The following ZDHHC14 variants were observed in gnomAD, a reference collection of about 807,000 sequenced individuals.
ZDHHC14 encodes zDHHC palmitoyltransferase 14.
A neutral mutation model predicts 47.7 loss-of-function variants in ZDHHC14; 16 were observed. The ratio of observed to expected loss-of-function variants is 0.34; its 90% CI spans 0.23 to 0.51. The LOEUF (loss-of-function observed/expected upper bound fraction) is 0.51, where lower values mean the gene tolerates loss of function less well. Among genes scored for constraint, ZDHHC14 ranks in the 20% least tolerant of loss-of-function variants. ZDHHC14 has a pLI of 0.97. For synonymous variants in ZDHHC14, 293 were observed against 278.9 expected, an observed-to-expected ratio of 1.05 and a Z score of -0.50; for missense variants, 515 against 662.5, an observed-to-expected ratio of 0.78 and a Z score of 2.44.
chr6:157,584,113 A>G (rs962155224), intron 2 of ZDHHC14, among the ~76,000 whole-genome samples: 2 of 152,124 alleles, frequency 1.3e-5, no homozygotes, highest in Admixed American at 1.3e-4. Flanking sequence ...CACCCTTGCA[A>G]TGGCAGTGGC....
intron 1 of ZDHHC14, among the ~76,000 whole-genome samples, chr6:157,458,854 T>TTTTTTTTTTTTTTTTTTTTA: frequency 7.9e-6 from 1 of 127,162 alleles, no homozygotes; most frequent in Non-Finnish European, 1.7e-5. Flanking sequence ...GGTGGATTTT[T>TTTTTTTTTTTTTTTTTTTTA]TTTTTTTTTT....
intron 1 of ZDHHC14, among the ~76,000 whole-genome samples, chr6:157,432,843 T>C (rs1778364723): frequency 6.6e-6 from 1 of 152,264 alleles, no homozygotes; most frequent in African/African-American, 2.4e-5. Flanking sequence ...TTCATGCTTC[T>C]GGAAGTTGCC....
In ZDHHC14 at chr6:157,607,086, A is replaced by G. The variant is rs148782295; in HGVS notation, c.565+13940A>G. 5.6e-3 allele frequency among the ~76,000 whole-genome samples: 849 copies of G among 152,328 alleles called. 4 individuals carry two copies. Among genetic ancestry groups the G allele is most frequent in the Non-Finnish European group, 9.1e-3 (621 of 68,034 alleles). ...TTTTCTATATCACGATGTCGAAATT[A>G]TGTTAGAAACATCGTCTTTATTATT... is the stretch of plus-strand genomic sequence containing the variant. On this transcript the variant is annotated intron_variant, in intron 3 of 8. Coordinates refer to ENST00000359775, the MANE Select transcript of ZDHHC14 (RefSeq NM_024630.3).
chr6:157,471,573 C>G (rs559704361), intron 1 of ZDHHC14, among the ~76,000 whole-genome samples: 40 of 152,340 alleles, frequency 2.6e-4, no homozygotes, highest in African/African-American at 9.6e-4. Context: ...CAGGAGGGAG[C>G]TAGCTCAAAT....
At chr6:157,453,301 T>C (rs1338415832) in intron 1 of ZDHHC14, among the ~76,000 whole-genome samples, 4 of 152,194 alleles carry the variant, frequency 2.6e-5, no homozygotes, top group African/African-American at 9.7e-5. Flanking sequence ...CAAATTCGAA[T>C]GACAGGGTAT....
At chr6:157,422,726 G>T (rs1381479958) in intron 1 of ZDHHC14, among the ~76,000 whole-genome samples, 1 of 152,240 alleles carries the variant, frequency 6.6e-6, no homozygotes, top group Admixed American at 6.5e-5. Flanking sequence ...TAACCAGGAG[G>T]AGGAAGAGAT....
At chr6:157,523,612 T>A (rs1490516456) in intron 1 of ZDHHC14, among the ~76,000 whole-genome samples, 1 of 152,030 alleles carries the variant, frequency 6.6e-6, no homozygotes, top group African/African-American at 2.4e-5. Context: ...AAAACAAAGA[T>A]TAGCTGGGCA....
chr6:157,503,304 A>C (rs1315304405), intron 1 of ZDHHC14, among the ~76,000 whole-genome samples: 2 of 152,184 alleles, frequency 1.3e-5, no homozygotes, highest in Non-Finnish European at 2.9e-5. Context: ...TGTCAGACAC[A>C]TCCTGGCTTC....
intron 3 of ZDHHC14, among the ~76,000 whole-genome samples, chr6:157,609,004 C>T (rs979145603): frequency 6.6e-6 from 1 of 152,184 alleles, no homozygotes; most frequent in African/African-American, 2.4e-5. Context: ...TGCTTGACCC[C>T]TCTGGTTCCT....
At chr6:157,430,685 C>T (rs759780554) in intron 1 of ZDHHC14, among the ~76,000 whole-genome samples, 8 of 152,200 alleles carry the variant, frequency 5.3e-5, no homozygotes, top group South Asian at 2.1e-4. Flanking sequence ...CCGTCTGCAA[C>T]GTGAATTCCC....
At chr6:157,628,806 T>C (rs1785544082) in intron 4 of ZDHHC14, among the ~76,000 whole-genome samples, 1 of 152,154 alleles carries the variant, frequency 6.6e-6, no homozygotes, top group South Asian at 2.1e-4. Context: ...GTGACCTCAC[T>C]TTTTCTCCTG....
At chr6:157,633,461 G>A (rs948234539) in intron 5 of ZDHHC14, among the ~76,000 whole-genome samples, 3 of 152,150 alleles carry the variant, frequency 2.0e-5, no homozygotes, top group Non-Finnish European at 4.4e-5. Flanking sequence ...ATGGACCATA[G>A]TATTTTGAAT....
At chr6:157,417,862 G>A (rs1778014708) in intron 1 of ZDHHC14, among the ~76,000 whole-genome samples, 1 of 151,726 alleles carries the variant, frequency 6.6e-6, no homozygotes, top group African/African-American at 2.4e-5. Flanking sequence ...GCTGAGGCAG[G>A]AGAATGGCCT....
rs372741217 is a variant in ZDHHC14 at position 157,580,334 on chromosome 6, T to C, written c.407-12654T>C. ...TTGAGGATTTTTGCTTCTATATTCATTTGGGATATTGGCCTGGGGTTTTCT... is the reference window on the plus strand; with the variant it reads ...TTGAGGATTTTTGCTTCTATATTCACTTGGGATATTGGCCTGGGGTTTTCT... On this transcript the variant is annotated intron_variant, in intron 2 of 8. Coordinates refer to ENST00000359775, the MANE Select transcript of ZDHHC14 (RefSeq NM_024630.3). Among the ~76,000 whole-genome samples the C allele has an allele frequency of 4.6e-5, 7 of 152,176 alleles. No individual in the cohort carries two copies. In the East Asian group the frequency reaches 7.7e-4, roughly 17 times the overall value.
intron 8 of ZDHHC14, among the ~76,000 whole-genome samples, chr6:157,656,721 AAAAAAAAAAAAAC>A (rs1778113608): frequency 3.5e-5 from 1 of 28,544 alleles, no homozygotes; most frequent in African/African-American, 2.2e-4. Flanking sequence ...AAAAAAAACA[AAAAAAAAAAAAAC>A]AAGACTCCTT....
chr6:157,663,684 G>C (rs1778434781), intron 8 of ZDHHC14, among the ~76,000 whole-genome samples: 1 of 152,170 alleles, frequency 6.6e-6, no homozygotes, highest in African/African-American at 2.4e-5. Context: ...ACTGTGGAAA[G>C]CACGCAAGCA....
At chr6:157,670,220 G>A (rs544514818) in intron 8 of ZDHHC14, among the ~76,000 whole-genome samples, 89 of 152,328 alleles carry the variant, frequency 5.8e-4, no homozygotes, top group Non-Finnish European at 7.9e-4. Context: ...AAGCACCGCC[G>A]TGGCACAAAT....
chr6:157,521,793 A>G (rs931856456), intron 1 of ZDHHC14, among the ~76,000 whole-genome samples: 11 of 152,214 alleles, frequency 7.2e-5, no homozygotes, highest in Admixed American at 3.3e-4. Flanking sequence ...CAGGGCAGGA[A>G]GGTGCTCATT....
At chr6:157,384,473 G>A (rs9505859) in intron 1 of ZDHHC14, among the ~76,000 whole-genome samples, 5,868 of 152,178 alleles carry the variant, frequency 0.039, 397 homozygotes, top group African/African-American at 0.13. Flanking sequence ...AAATGTGTGC[G>A]CCGGGATTTT....
Sources: allele counts gnomAD v4.1 joint callset (sites outside exome capture counted in the v4.1 genomes callset), GRCh38; gene constraint gnomAD v4.1.1; transcripts MANE v1.5; gene names NCBI Gene and HGNC (gene_info 2026-07-23, HGNC 2026-07-21).